Variants in ZNF729 observed in about 807,000 individuals in gnomAD.
The protein encoded by ZNF729 is zinc finger protein 729.
In ZNF729, 15 loss-of-function variants were observed where a neutral mutation model predicts 12.2. The observed-to-expected ratio is 1.23, with a 90% confidence interval of 0.82 to 1.89. ZNF729 has a LOEUF of 1.89. Ranked by LOEUF, ZNF729 falls within the 40% of genes most tolerant of loss-of-function variation. The pLI, the probability that ZNF729 is intolerant of heterozygous loss-of-function variation, is 0.00. For synonymous variants in ZNF729, 492 were observed against 476.3 expected (o/e 1.03, Z -0.43); for missense variants, 1,540 against 1,456.7 (o/e 1.06, Z -0.93).
chr19:22,297,644 GATATAT>G (rs35325085), intron 1 of ZNF729, among the ~76,000 whole-genome samples: 4 of 148,452 alleles, frequency 2.7e-5, no homozygotes, highest in East Asian at 2.0e-4. Context: ...CTTTGGTGTA[GATATAT>G]ATATATATAT....
chr19:22,293,653 T>C (rs1822637469), intron 1 of ZNF729, among the ~76,000 whole-genome samples: 1 of 151,340 alleles, frequency 6.6e-6, no homozygotes, highest in Admixed American at 6.6e-5. Flanking sequence ...CCACCACACG[T>C]GGCTAATTTT....
chr19:22,314,094 A>G lies in ZNF729; in HGVS notation c.677A>G (p.His226Arg), dbSNP rs745320904. The stretch of plus-strand genomic sequence containing the variant: ...AAATCGTTCTCAACCCTTACTAAAC[A>G]TAAGATAATTCATACTGAAGACAAA... ...AFKSFSTLTK[H>R]KIIHTEDKPY... The change falls in exon 4 of 4, where the codon CAT (histidine) becomes CGT (arginine). Residue 226 changes from histidine (H) to arginine (R), a missense_variant. His to Arg is a conservative substitution (Grantham distance 29). Coordinates refer to ENST00000601693, the MANE Select transcript of ZNF729 (RefSeq NM_001242680.2). 12 of 1,547,160 alleles carry G rather than the reference A, an allele frequency of 7.8e-6. No homozygotes were observed. Among genetic ancestry groups the G allele is most frequent in the South Asian group, 3.6e-5 (3 of 83,582 alleles).
intron 1 of ZNF729, among the ~76,000 whole-genome samples, chr19:22,298,019 A>AC: frequency 6.6e-6 from 1 of 150,572 alleles, no homozygotes; most frequent in Non-Finnish European, 1.5e-5. Flanking sequence ...AAAAAAAAAA[A>AC]AAAAAAAACA....
rs1181064280 is a variant in ZNF729, at chr19:22,315,409, T to C, written c.1992T>C (p.Ala664=). Residue 664 remains alanine, a synonymous_variant, in exon 4 of 4, where the codon GCT becomes GCC. Transcript: ENST00000601693. ...ACAAATGTGAAGAATGTGGCAAAGC[T>C]TTTAGCCATTTCTCAGCCCTTAGAA... ...KPYKCEECGK[A]FSHFSALRRH... The C allele has an allele frequency of 1.2e-6, 2 of 1,613,302 alleles. No individual in the cohort carries two copies. Among genetic ancestry groups the C allele is most frequent in the East Asian group, 2.2e-5 (1 of 44,838 alleles).
At chr19:22,295,876 A>T (rs916042180) in intron 1 of ZNF729, among the ~76,000 whole-genome samples, 1 of 152,108 alleles carries the variant, frequency 6.6e-6, no homozygotes, top group African/African-American at 2.4e-5. Flanking sequence ...GCATCTATTG[A>T]GATAATTTTT....
In ZNF729 at chr19:22,316,075, T is replaced by C. The variant is rs767056500; in HGVS notation, c.2658T>C (p.Gly886=). Residue 886 remains glycine, a synonymous_variant, in exon 4 of 4, where the codon GGT becomes GGC. Transcript: ENST00000601693. ...AACCATACAAATGTGAAGAATGTGG[T>C]AAAGCTTTTAAGTGGTTGTCAAAAC... is the stretch of plus-strand genomic sequence containing the variant. ...GEKPYKCEEC[G]KAFKWLSKLT... 1.9e-6 allele frequency: 3 copies of C among 1,609,230 alleles called. No homozygotes were observed. The highest frequency in any genetic ancestry group is 2.5e-6 in the Non-Finnish European group (3 of 1,179,238).
At chr19:22,307,715 C>T (rs1599757218) in intron 3 of ZNF729, among the ~76,000 whole-genome samples, 1 of 147,554 alleles carries the variant, frequency 6.8e-6, no homozygotes, top group African/African-American at 2.5e-5. Flanking sequence ...TGCACTCCAG[C>T]CTGGGCAACA....
chr19:22,315,068 A>G lies in ZNF729; in HGVS notation c.1651A>G (p.Lys551Glu). 1 of 1,611,330 alleles carries G rather than the reference A, an allele frequency of 6.2e-7. No homozygotes were observed. Among genetic ancestry groups the G allele is most frequent in the Non-Finnish European group, 8.5e-7 (1 of 1,179,734 alleles). The change falls in exon 4 of 4, where the codon AAA becomes GAA. Residue 551 changes from lysine (K) to glutamate (E), a missense_variant. Physicochemically the swap from Lys to Glu is moderately conservative, Grantham distance 56 (BLOSUM62 1). Coordinates refer to ENST00000601693, the MANE Select transcript of ZNF729 (RefSeq NM_001242680.2). ...ACCCTACAAATGTGAAGAATGTGGT[A>G]AAGCTTTTAAGTGGTCATCAAAACT... ...EKPYKCEECG[K>E]AFKWSSKLTV...
Position 22,316,978 on chromosome 19 carries a change from CT to C in ZNF729, c.3562del (p.Tyr1188ThrfsTer31). On this transcript the variant is annotated frameshift_variant, in exon 4 of 4. Coordinates refer to ENST00000601693, the MANE Select transcript of ZNF729 (RefSeq NM_001242680.2). LOFTEE classifies it low-confidence loss of function (END_TRUNC). ...HKTIHTGEKP[Y>X]KCEECGKAFI... The stretch of plus-strand genomic sequence containing the variant: ...AAACAATTCATACTGGAGAGAAACC[CT>C]ACAAATGTGAAGAATGTGGCAAAGC... 1 of 1,612,686 alleles carries C rather than the reference CT, an allele frequency of 6.2e-7. No homozygotes were observed.
intron 1 of ZNF729, among the ~76,000 whole-genome samples, chr19:22,296,933 G>GCT (rs34631969): frequency 0.34 from 51,905 of 151,928 alleles, 9,759 homozygotes; most frequent in Non-Finnish European, 0.43. Context: ...ATTTTGTCAA[G>GCT]CTGTGGTCTT....
At position 22,286,559 on chromosome 19, in the gene ZNF729, A is replaced by G. The variant is rs1251202972; in HGVS notation, c.30+4A>G. On this transcript the variant is annotated splice_donor_region_variant and intron_variant, in intron 1 of 3. Coordinates refer to ENST00000601693, the MANE Select transcript of ZNF729 (RefSeq NM_001242680.2). ...TGCCCCTGGCAGCCTAGAAATGGTG[A>G]GAGTGCCGGGTCCGACATCCCGAGA... 2 of 1,613,700 alleles carry G rather than the reference A, an allele frequency of 1.2e-6. No individual in the cohort carries two copies. The highest frequency in any genetic ancestry group is 1.7e-6 in the Non-Finnish European group (2 of 1,179,986).
rs142098308 is a variant in ZNF729 at position 22,316,140 on chromosome 19, G to C, written c.2723G>C (p.Cys908Ser). The C allele has an allele frequency of 8.3e-3, 13,358 of 1,606,584 alleles. 96 individuals are homozygous for C. The highest frequency in any genetic ancestry group is 9.8e-3 in the Middle Eastern group (59 of 6,014). The change falls in exon 4 of 4, where the codon TGT (cysteine) becomes TCT (serine). Residue 908 changes from cysteine (C) to serine (S), a missense_variant. Coordinates refer to ENST00000601693, the MANE Select transcript of ZNF729 (RefSeq NM_001242680.2). ...HKVIHTAEKP[C>S]KCEECGKAFK... ...GTAATTCATACTGCAGAGAAACCCT[G>C]TAAATGTGAAGAATGTGGCAAAGCT... is the stretch of plus-strand genomic sequence containing the variant.
Position 22,316,648 on chromosome 19 carries a change from A to G in ZNF729, c.3231A>G (p.Lys1077=), listed in dbSNP as rs1968547796. 1 of 1,612,892 alleles carries G rather than the reference A, an allele frequency of 6.2e-7. No individual in the cohort carries two copies. Among genetic ancestry groups the G allele is most frequent in the Non-Finnish European group, 8.5e-7 (1 of 1,179,788 alleles). The change falls in exon 4 of 4, where the codon AAA becomes AAG. Residue 1077 remains lysine (K), a synonymous_variant. Transcript: ENST00000601693. Reference sequence around the variant, plus strand: ...TTCATACTGGAGAGAAACCCTGCAAATGTGAAGAATGTGACAAAGCTTTTA... The same window carrying G: ...TTCATACTGGAGAGAAACCCTGCAAGTGTGAAGAATGTGACAAAGCTTTTA... ...KVIHTGEKPC[K]CEECDKAFKH...
intron 1 of ZNF729, chr19:22,299,425 T>G (rs62120018): frequency 6.6e-6 from 1 of 152,276 alleles, no homozygotes; most frequent in African/African-American, 2.4e-5. Context: ...GAGATGGAGT[T>G]TCACCGTGTT....
rs758781046 is a variant in ZNF729, at chr19:22,315,063, G to T, written c.1646G>T (p.Cys549Phe). 17 of 1,611,210 alleles carry T rather than the reference G, an allele frequency of 1.1e-5. No homozygotes were observed. Among genetic ancestry groups the T allele is most frequent in the Non-Finnish European group, 1.4e-5 (16 of 1,179,730 alleles). Residue 549 changes from cysteine (C) to phenylalanine (F), a missense_variant, in exon 4 of 4, where the codon TGT (cysteine) becomes TTT (phenylalanine). Coordinates refer to ENST00000601693, the MANE Select transcript of ZNF729 (RefSeq NM_001242680.2). ...TGEKPYKCEE[C>F]GKAFKWSSKL... ...GAGAAACCCTACAAATGTGAAGAAT[G>T]TGGTAAAGCTTTTAAGTGGTCATCA...
chr19:22,307,800 G>GTTTTTT, intron 3 of ZNF729, among the ~76,000 whole-genome samples: 14 of 53,336 alleles, frequency 2.6e-4, no homozygotes, highest in East Asian at 5.7e-4. Context: ...AAAGCTCTGT[G>GTTTTTT]TTTTTTTTTT....
At chr19:22,305,188 G>C (rs573465479) in intron 3 of ZNF729, among the ~76,000 whole-genome samples, 1 of 151,866 alleles carries the variant, frequency 6.6e-6, no homozygotes. Flanking sequence ...GTTCCTTTTC[G>C]CCTTCCACTG....
rs745680503 is a variant in ZNF729, at chr19:22,315,944, A to G, written c.2527A>G (p.Lys843Glu). Residue 843 changes from lysine (K) to glutamate (E), a missense_variant, in exon 4 of 4, where the codon AAG (lysine) becomes GAG (glutamate). Coordinates refer to ENST00000601693, the MANE Select transcript of ZNF729 (RefSeq NM_001242680.2). ...FKHFSALRKH[K>E]VIHTGKKPYK... ...GCATTTCTCAGCCCTTAGAAAACAT[A>G]AGGTAATTCATACTGGAAAGAAACC... 9 of 1,610,956 alleles carry G rather than the reference A, an allele frequency of 5.6e-6. No homozygotes were observed. The East Asian group carries it at 2.0e-4, about 36-fold the overall frequency.
rs1968485172 is a variant in ZNF729, at chr19:22,314,015, A to G, written c.598A>G (p.Arg200Gly). ...GCTTTCATGCTTAATTCGACATAAG[A>G]GAATTCATATTAGACAGAATATCTA... ...FMLSCLIRHKRIHIRQNIYKC... is the reference protein window; with the variant it reads ...FMLSCLIRHKGIHIRQNIYKC... Residue 200 changes from arginine (R) to glycine (G), a missense_variant, in exon 4 of 4, where the codon AGA (arginine) becomes GGA (glycine). Coordinates refer to ENST00000601693, the MANE Select transcript of ZNF729 (RefSeq NM_001242680.2). 1 of 1,540,984 alleles carries G rather than the reference A, an allele frequency of 6.5e-7. No individual in the cohort carries two copies. Among genetic ancestry groups the G allele is most frequent in the South Asian group, 1.2e-5 (1 of 82,936 alleles).
Sources: gnomAD v4.1 joint callset for allele counts (sites outside exome capture counted in the v4.1 genomes callset) on GRCh38, gnomAD v4.1.1 for gene constraint, MANE v1.5 for transcripts, NCBI Gene and HGNC (gene_info 2026-07-23, HGNC 2026-07-21) for gene names.